CDKAL1: variants seen among roughly 807,000 people sequenced by gnomAD.
CDKAL1 encodes threonylcarbamoyladenosine tRNA methylthiotransferase.
In CDKAL1, 32 loss-of-function variants were observed where a neutral mutation model predicts 68.2. The ratio of observed to expected loss-of-function variants is 0.47; its 90% CI spans 0.35 to 0.63. The LOEUF is 0.63. Among genes scored for constraint, CDKAL1 ranks in the 30% least tolerant of loss-of-function variants. CDKAL1 has a pLI of 0.00. For missense variants in CDKAL1, 606 were observed against 696.7 expected (o/e 0.87, Z 1.47); for synonymous variants, 234 against 244.3 (o/e 0.96, Z 0.39).
intron 6 of CDKAL1, among the ~76,000 whole-genome samples, chr6:20,745,734 G>A (rs1459669825): frequency 1.3e-5 from 2 of 151,774 alleles, no homozygotes; most frequent in South Asian, 4.2e-4. Context: ...AAAAAAAATC[G>A]CCAAAAAAAA....
chr6:20,952,144 G>C (rs944441408), intron 9 of CDKAL1, among the ~76,000 whole-genome samples: 1 of 151,848 alleles, frequency 6.6e-6, no homozygotes, highest in Non-Finnish European at 1.5e-5. Flanking sequence ...ATTTTTAGTA[G>C]AGACAGGGTT....
At chr6:20,819,684 T>A (rs1414184243) in intron 8 of CDKAL1, among the ~76,000 whole-genome samples, 6 of 152,134 alleles carry the variant, frequency 3.9e-5, no homozygotes, top group Non-Finnish European at 8.8e-5. Flanking sequence ...ACAAATGGGG[T>A]GCTTTTCTAT....
chr6:21,000,983 C>A (rs1475926283), intron 11 of CDKAL1, among the ~76,000 whole-genome samples: 1 of 152,162 alleles, frequency 6.6e-6, no homozygotes, highest in African/African-American at 2.4e-5. Flanking sequence ...ATACTTTCAG[C>A]CCTTAATTAT....
chr6:20,987,190 C>T (rs1193433803), intron 10 of CDKAL1, among the ~76,000 whole-genome samples: 1 of 151,768 alleles, frequency 6.6e-6, no homozygotes, highest in Non-Finnish European at 1.5e-5. Flanking sequence ...TGTACAGTGG[C>T]CTTGTGTATC....
At chr6:20,841,796 G>T (rs1778184860) in intron 8 of CDKAL1, among the ~76,000 whole-genome samples, 1 of 152,154 alleles carries the variant, frequency 6.6e-6, no homozygotes, top group Admixed American at 6.5e-5. Context: ...GGGTTATACT[G>T]CCAGATTAAA....
chr6:21,082,366 T>C (rs1195891998), intron 12 of CDKAL1, among the ~76,000 whole-genome samples: 1 of 152,238 alleles, frequency 6.6e-6, no homozygotes, highest in Non-Finnish European at 1.5e-5. Flanking sequence ...TCTCCTGTTA[T>C]TCTTTCAACA....
At chr6:21,054,819 T>C (rs925495761) in intron 11 of CDKAL1, among the ~76,000 whole-genome samples, 3 of 152,076 alleles carry the variant, frequency 2.0e-5, no homozygotes, top group African/African-American at 7.2e-5. Context: ...TCTTGTATCC[T>C]ACAGTTTTGC....
At chr6:20,586,251 C>G (rs1765350525) in intron 4 of CDKAL1, among the ~76,000 whole-genome samples, 1 of 152,204 alleles carries the variant, frequency 6.6e-6, no homozygotes, top group Admixed American at 6.5e-5. Context: ...GTTTTCCACA[C>G]AGTGATCAGA....
intron 12 of CDKAL1, among the ~76,000 whole-genome samples, chr6:21,079,017 A>T (rs1772234357): frequency 6.6e-6 from 1 of 152,198 alleles, no homozygotes; most frequent in African/African-American, 2.4e-5. Flanking sequence ...AGATGCCATC[A>T]GCTGTGAGAA....
At chr6:20,544,586 A>G (rs1244028194) in intron 2 of CDKAL1, among the ~76,000 whole-genome samples, 1 of 122,974 alleles carries the variant, frequency 8.1e-6, no homozygotes, top group Non-Finnish European at 1.7e-5. Flanking sequence ...ACAGAGCGAA[A>G]CTCCGTCTCA....
At chr6:20,977,526 C>T (rs1765898063) in intron 10 of CDKAL1, among the ~76,000 whole-genome samples, 1 of 152,126 alleles carries the variant, frequency 6.6e-6, no homozygotes, top group Admixed American at 6.5e-5. Flanking sequence ...AGAGTTTGGT[C>T]TATATTATCT....
At chr6:21,018,424 C>T (rs10946425) in intron 11 of CDKAL1, among the ~76,000 whole-genome samples, 49,662 of 151,972 alleles carry the variant, frequency 0.33, 8,646 homozygotes, top group Middle Eastern at 0.43. Context: ...TGCTAATTTA[C>T]CTAAAACGGA....
intron 9 of CDKAL1, among the ~76,000 whole-genome samples, chr6:20,880,848 C>G (rs1760775520): frequency 6.6e-6 from 1 of 152,132 alleles, no homozygotes; most frequent in South Asian, 2.1e-4. Flanking sequence ...GGTTCATGCA[C>G]AGTTAAGCAA....
intron 13 of CDKAL1, among the ~76,000 whole-genome samples, chr6:21,130,221 C>CTTTTTT (rs10708944): frequency 8.6e-6 from 1 of 115,626 alleles, no homozygotes; most frequent in Admixed American, 9.6e-5. Context: ...TTGGACCTAA[C>CTTTTTT]TTTTTTTTTT....
intron 4 of CDKAL1, among the ~76,000 whole-genome samples, chr6:20,581,324 C>T (rs1462282685): frequency 6.6e-6 from 1 of 152,084 alleles, no homozygotes; most frequent in Non-Finnish European, 1.5e-5. Flanking sequence ...GAGTCATTTT[C>T]ATAGAGTCCA....
In CDKAL1 at chr6:20,769,588, C is replaced by T. The variant is rs115620386; in HGVS notation, c.517+10945C>T. 4.8e-3 allele frequency among the ~76,000 whole-genome samples: 725 copies of T among 152,162 alleles called. 8 individuals carry two copies. Among genetic ancestry groups the T allele is most frequent in the African/African-American group, 0.017 (696 of 41,502 alleles). On this transcript the variant is annotated intron_variant, in intron 7 of 15. Transcript: ENST00000274695. Reference sequence around the variant, plus strand: ...TCATTATCAATGCAATTATTTGTGACGTACTTCCTAGCCCTCCAGAGCTTT... The same window carrying T: ...TCATTATCAATGCAATTATTTGTGATGTACTTCCTAGCCCTCCAGAGCTTT...
intron 12 of CDKAL1, among the ~76,000 whole-genome samples, chr6:21,083,415 T>C (rs2150960244): frequency 6.6e-6 from 1 of 152,212 alleles, no homozygotes; most frequent in South Asian, 2.1e-4. Context: ...TTTTAACATT[T>C]TGCTACATTT....
chr6:20,784,412 CTTTTTTTTTTTTTTTT>C lies in CDKAL1; in HGVS notation c.638+3161_638+3176del, dbSNP rs1175015329. 6.7e-3 allele frequency among the ~76,000 whole-genome samples: 225 copies of C among 33,498 alleles called. 5 individuals are homozygous for C. Among genetic ancestry groups the C allele is most frequent in the Admixed American group, 0.03 (56 of 1,856 alleles). The allele number at this position is 33,498 out of a possible 152,430, so 22.0% of individuals were successfully genotyped here. On this transcript the variant is annotated intron_variant, in intron 8 of 15. Transcript: ENST00000274695. ...TTTTTTTCTTCCAGATATTTTATTT[CTTTTTTTTTTTTTTTT>C]TTTTTTTTTTTTTGAGACAGAGTCT... is the stretch of plus-strand genomic sequence containing the variant.
At chr6:20,907,679 G>A (rs1291356780) in intron 9 of CDKAL1, among the ~76,000 whole-genome samples, 2 of 152,170 alleles carry the variant, frequency 1.3e-5, no homozygotes, top group African/African-American at 4.8e-5. Context: ...CCCCGTGTGT[G>A]AGGAGCTGAG....
Sources: allele counts gnomAD v4.1 joint callset (sites outside exome capture counted in the v4.1 genomes callset), GRCh38; gene constraint gnomAD v4.1.1; transcripts MANE v1.5; gene names NCBI Gene and HGNC (gene_info 2026-07-23, HGNC 2026-07-21).